Variants in FHIP2A observed in about 807,000 individuals in gnomAD.
The protein encoded by FHIP2A is family with sequence similarity 160 member B1.
In FHIP2A, 46 loss-of-function variants were observed where a neutral mutation model predicts 93.5. That is an observed-to-expected ratio of 0.49 (90% CI 0.39 to 0.63). The LOEUF (loss-of-function observed/expected upper bound fraction) is 0.63, where lower values mean the gene tolerates loss of function less well. FHIP2A is among the 20% of genes least tolerant of loss of function. The pLI, the probability that FHIP2A is intolerant of heterozygous loss-of-function variation, is 0.00. For synonymous variants in FHIP2A, 332 were observed against 326.5 expected (o/e 1.02, Z -0.18); for missense variants, 769 against 909.7 (o/e 0.85, Z 1.99).
downstream of FHIP2A, among the ~76,000 whole-genome samples, chr10:114,867,761 T>G (rs1592028546): frequency 6.6e-6 from 1 of 152,066 alleles, no homozygotes; most frequent in Admixed American, 6.6e-5. Flanking sequence ...CCCCCATTCC[T>G]GAAATCTAAG....
At chr10:114,877,842 G>A (rs1006541369) in intron 16 of FHIP2A, among the ~76,000 whole-genome samples, 1 of 151,186 alleles carries the variant, frequency 6.6e-6, no homozygotes, top group African/African-American at 2.4e-5. Flanking sequence ...AACACCCTTG[G>A]AGAGCTAGCA....
chr10:114,859,975 T>C (rs904652789), intron 14 of FHIP2A, among the ~76,000 whole-genome samples: 6 of 152,182 alleles, frequency 3.9e-5, no homozygotes, highest in Admixed American at 2.6e-4. Context: ...ACTGTATGTG[T>C]TTTTGGGAAT....
rs1592027441 is a variant in FHIP2A at position 114,864,355 on chromosome 10, G to A, written c.*2815G>A. On this transcript the variant is annotated 3_prime_UTR_variant, in exon 17 of 17. Coordinates refer to ENST00000369248, the MANE Select transcript of FHIP2A (RefSeq NM_020940.4). ...CACACTATATGGTAATTATATTTTGGGTTATGTAGTAAATCAAATATGCAT... is the reference window on the plus strand; with the variant it reads ...CACACTATATGGTAATTATATTTTGAGTTATGTAGTAAATCAAATATGCAT... 1.0e-6 allele frequency: 1 copy of A among 985,366 alleles called. No homozygotes were observed. Among genetic ancestry groups the A allele is most frequent in the East Asian group, 1.1e-4 (1 of 8,832 alleles). 61.0% of individuals were successfully genotyped at this position (985,366 alleles called of 1,614,324 possible).
intron 1 of FHIP2A, among the ~76,000 whole-genome samples, chr10:114,827,798 A>AC (rs2083585926): frequency 1.4e-5 from 2 of 147,684 alleles, no homozygotes; most frequent in Non-Finnish European, 3.0e-5. Context: ...CTCCATCTCA[A>AC]AAAAAAAAAA....
Position 114,848,665 on chromosome 10 carries a change from G to A in FHIP2A, c.1731G>A (p.Pro577=), listed in dbSNP as rs762445277. ...ATTTAAGTTTTCTCTGTCTGGTACC[G>A]GATGACGCAAAATCCTCCTACCATG... ...KIVNSFLCLV[P]DDAKSSYHVE... The change falls in exon 13 of 17, where the codon CCG becomes CCA. Residue 577 remains proline, a synonymous_variant. Coordinates refer to ENST00000369248, the MANE Select transcript of FHIP2A (RefSeq NM_020940.4). 2.7e-5 allele frequency: 44 copies of A among 1,610,210 alleles called. No homozygotes were observed. The highest frequency in any genetic ancestry group is 1.9e-4 in the African/African-American group (14 of 74,246).
At chr10:114,834,362 A>G (rs1035540615) in intron 3 of FHIP2A, among the ~76,000 whole-genome samples, 8 of 152,174 alleles carry the variant, frequency 5.3e-5, no homozygotes, top group African/African-American at 1.9e-4. Flanking sequence ...TAATAAATTG[A>G]TTAATTGATT....
At chr10:114,885,119 G>T (rs1293201602) in intron 16 of FHIP2A, among the ~76,000 whole-genome samples, 1 of 152,066 alleles carries the variant, frequency 6.6e-6, no homozygotes, top group Admixed American at 6.5e-5. Context: ...ACCCGGCCTG[G>T]CGAGGTGGCT....
intron 16 of FHIP2A, among the ~76,000 whole-genome samples, chr10:114,895,560 A>C (rs1311868977): frequency 6.6e-6 from 1 of 152,184 alleles, no homozygotes; most frequent in East Asian, 1.9e-4. Context: ...GCTGGAGTTT[A>C]CGTAGTGCCT....
intron 1 of FHIP2A, among the ~76,000 whole-genome samples, chr10:114,822,513 C>T (rs1211279574): frequency 6.6e-6 from 1 of 152,198 alleles, no homozygotes; most frequent in Non-Finnish European, 1.5e-5. Context: ...TTAACGTTAA[C>T]CTTCTCCGGA....
chr10:114,823,323 A>G (rs1000232640), intron 1 of FHIP2A, among the ~76,000 whole-genome samples: 4 of 152,232 alleles, frequency 2.6e-5, no homozygotes, highest in African/African-American at 7.2e-5. Context: ...TCATAAATGT[A>G]GAGCAGTATT....
At position 114,857,314 on chromosome 10, in the gene FHIP2A, C is replaced by CTTTTTTTT. The variant is rs78583275; in HGVS notation, c.1947+1979_1947+1986dup. On this transcript the variant is annotated intron_variant, in intron 14 of 16. Transcript: ENST00000369248. ...TTTCTTTCTCTCCCTATTTCTTCTT[C>CTTTTTTTT]TTTTTTTTTTTTCTGAGACCGAGTC... is the stretch of plus-strand genomic sequence containing the variant. Among the ~76,000 whole-genome samples the CTTTTTTTT allele has an allele frequency of 3.3e-5, 4 of 120,706 alleles. 2 individuals carry two copies. Among genetic ancestry groups the CTTTTTTTT allele is most frequent in the Non-Finnish European group, 7.2e-5 (4 of 55,292 alleles). The allele number at this position is 120,706 out of a possible 152,430, so 79.2% of individuals were successfully genotyped here.
intron 1 of FHIP2A, among the ~76,000 whole-genome samples, chr10:114,830,347 A>G (rs2146806): frequency 0.33 from 47,372 of 144,574 alleles, 8,068 homozygotes; most frequent in Non-Finnish European, 0.39. Context: ...ATCTTGGCTC[A>G]CTGAAACCTC....
At position 114,822,381 on chromosome 10, in the gene FHIP2A, G is replaced by C. The variant is rs2083535463; in HGVS notation, c.45+258G>C. ...AGTCCCTGCCCTCCTCCAGGAGCCG[G>C]GGCGGGGGTGCCGGGGAGGACCTGG... On this transcript the variant is annotated intron_variant, in intron 1 of 16. Coordinates refer to ENST00000369248, the MANE Select transcript of FHIP2A (RefSeq NM_020940.4). Among the ~76,000 whole-genome samples the C allele has an allele frequency of 2.0e-5, 3 of 151,980 alleles. No homozygotes were observed. The South Asian group carries it at 6.2e-4, about 31-fold the overall frequency.
rs367639737 is a variant in FHIP2A at position 114,844,024 on chromosome 10, G to C, written c.1013+87G>C. The stretch of plus-strand genomic sequence containing the variant: ...CCATTTCTATTTTGCAATGGTAGAA[G>C]TCTTTGAAAAATTGAACACCACTAG... On this transcript the variant is annotated intron_variant, in intron 7 of 16. Coordinates refer to ENST00000369248, the MANE Select transcript of FHIP2A (RefSeq NM_020940.4). 25 of 1,148,764 alleles carry C rather than the reference G, an allele frequency of 2.2e-5. No individual in the cohort carries two copies. The African/African-American group carries it at 3.1e-4, about 14-fold the overall frequency. The allele number at this position is 1,148,764 out of a possible 1,614,324, so 71.2% of individuals were successfully genotyped here. A position where few individuals can be genotyped will look rare whatever the true frequency, so the allele number is the denominator to read the frequency against.
chr10:114,886,530 G>A (rs1424564113), intron 16 of FHIP2A, among the ~76,000 whole-genome samples: 2 of 152,046 alleles, frequency 1.3e-5, no homozygotes, highest in African/African-American at 4.8e-5. Context: ...ATGCTATTTT[G>A]CTATTTTTGT....
intron 16 of FHIP2A, among the ~76,000 whole-genome samples, chr10:114,887,742 G>T (rs191246717): frequency 1.6e-3 from 242 of 152,318 alleles, no homozygotes; most frequent in Non-Finnish European, 3.0e-3. Context: ...TCTTTGTAGG[G>T]TGTTTACATA....
downstream of FHIP2A, among the ~76,000 whole-genome samples, chr10:114,868,021 C>T (rs1470750582): frequency 6.6e-6 from 1 of 151,260 alleles, no homozygotes; most frequent in Admixed American, 6.6e-5. Context: ...CTCACTGCAG[C>T]CTCAACTCAA....
rs201133882 is a variant in FHIP2A, at chr10:114,847,209, C to A, written c.1688C>A (p.Thr563Asn). The change falls in exon 12 of 17, where the codon ACT (threonine) becomes AAT (asparagine). Residue 563 changes from threonine (T) to asparagine (N), a missense_variant. Thr to Asn is a moderately conservative substitution (Grantham distance 65). Transcript: ENST00000369248. ...GACCACCCCAAAAATGATGGAAAAA[C>A]TGAAGTTCATAAAATTGTAAATAGG... ...TPDHPKNDGK[T>N]EVHKIVNSFL... 6 of 1,612,002 alleles carry A rather than the reference C, an allele frequency of 3.7e-6. No homozygotes were observed. In the African/African-American group the frequency reaches 8.0e-5, roughly 22 times the overall value.
intron 16 of FHIP2A, among the ~76,000 whole-genome samples, chr10:114,872,961 C>G (rs2083866769): frequency 1.3e-5 from 2 of 152,160 alleles, no homozygotes; most frequent in Admixed American, 1.3e-4. Flanking sequence ...GAAATTTATA[C>G]AGGGAATTGG....
Sources: allele counts gnomAD v4.1 joint callset (sites outside exome capture counted in the v4.1 genomes callset), GRCh38; gene constraint gnomAD v4.1.1; transcripts MANE v1.5; gene names NCBI Gene and HGNC (gene_info 2026-07-23, HGNC 2026-07-21).